NELL2: variants seen among roughly 807,000 people sequenced by gnomAD.
The protein encoded by NELL2 is protein kinase C-binding protein NELL2.
In NELL2, 41 loss-of-function variants were observed where a neutral mutation model predicts 109.6. The observed-to-expected ratio is 0.37, with a 90% CI of 0.29 to 0.49. The LOEUF (loss-of-function observed/expected upper bound fraction) is 0.49, where lower values mean the gene tolerates loss of function less well. Among genes scored for constraint, NELL2 ranks in the 20% least tolerant of loss-of-function variants. NELL2 has a pLI of 0.98. For synonymous variants in NELL2, 355 were observed against 344.7 expected (o/e 1.03, Z -0.33); for missense variants, 900 against 1,008.3 (o/e 0.89, Z 1.45).
intron 1 of NELL2, among the ~76,000 whole-genome samples, chr12:44,889,506 C>T (rs1412042376): frequency 2.0e-5 from 3 of 152,000 alleles, no homozygotes; most frequent in African/African-American, 7.3e-5. Flanking sequence ...TAGAATGAAG[C>T]ATCCACATGG....
At chr12:44,802,890 G>A (rs1566431114) in intron 3 of NELL2, among the ~76,000 whole-genome samples, 1 of 151,926 alleles carries the variant, frequency 6.6e-6, no homozygotes, top group East Asian at 1.9e-4. Context: ...AAGGCAGGTG[G>A]GTGAAGGTCT....
chr12:44,652,307 G>C (rs1947327579), intron 13 of NELL2, among the ~76,000 whole-genome samples: 1 of 152,132 alleles, frequency 6.6e-6, no homozygotes, highest in Admixed American at 6.5e-5. Context: ...GATGAGACAT[G>C]TGCTATACAT....
At chr12:44,673,415 G>A (rs543270334) in intron 12 of NELL2, among the ~76,000 whole-genome samples, 1 of 152,028 alleles carries the variant, frequency 6.6e-6, no homozygotes, top group Non-Finnish European at 1.5e-5. Flanking sequence ...ATGTACAAAG[G>A]CATTTTATTG....
chr12:44,653,984 T>C (rs1315180599), intron 13 of NELL2, among the ~76,000 whole-genome samples: 1 of 152,200 alleles, frequency 6.6e-6, no homozygotes, highest in African/African-American at 2.4e-5. Context: ...AAATGTCTTC[T>C]CTCACTTCTT....
chr12:44,687,141 G>A lies in NELL2; in HGVS notation c.1318+16585C>T, dbSNP rs147758956. On this transcript the variant is annotated intron_variant, in intron 12 of 19. Coordinates refer to ENST00000429094, the MANE Select transcript of NELL2 (RefSeq NM_001145108.2). ...TTTTTAAGCCCGTCGGAAATGCGCA[G>A]TATTCGGGTGGGAGTGACCCGATTT... is the stretch of plus-strand genomic sequence containing the variant. Among the ~76,000 whole-genome samples the A allele has an allele frequency of 1.2e-3, 185 of 152,334 alleles. 3 individuals are homozygous for A. In the East Asian group the frequency reaches 0.026, roughly 22 times the overall value.
At chr12:44,583,339 C>T (rs1403851438) in intron 15 of NELL2, among the ~76,000 whole-genome samples, 4 of 152,112 alleles carry the variant, frequency 2.6e-5, no homozygotes, top group East Asian at 3.9e-4. Flanking sequence ...TTTTATTTTC[C>T]GTATAGTACT....
chr12:44,890,897 A>G (rs1255134492), intron 1 of NELL2, among the ~76,000 whole-genome samples: 1 of 151,926 alleles, frequency 6.6e-6, no homozygotes, highest in Non-Finnish European at 1.5e-5. Flanking sequence ...TGCCAGGCTA[A>G]TTTCTGTATT....
At chr12:44,900,674 T>C (rs1295688426) in intron 1 of NELL2, among the ~76,000 whole-genome samples, 4 of 152,012 alleles carry the variant, frequency 2.6e-5, no homozygotes, top group Non-Finnish European at 4.4e-5. Flanking sequence ...TGATCTAAAA[T>C]TGACACCCTA....
chr12:44,838,533 G>A (rs1219786490), intron 2 of NELL2, among the ~76,000 whole-genome samples: 1 of 151,848 alleles, frequency 6.6e-6, no homozygotes. Flanking sequence ...CTGTAAAATG[G>A]GAACAATAAT....
chr12:44,532,171 T>C (rs1387875987), intron 16 of NELL2, among the ~76,000 whole-genome samples: 1 of 152,166 alleles, frequency 6.6e-6, no homozygotes. Flanking sequence ...GCATGCATTG[T>C]GTATGTCATC....
At chr12:44,915,008 C>G (rs1406717571), upstream of NELL2, among the ~76,000 whole-genome samples, 6 of 143,042 alleles carry the variant, frequency 4.2e-5, no homozygotes, top group Admixed American at 4.4e-4. Context: ...CGCCACCACG[C>G]CCGGCTAATT....
chr12:44,811,317 A>G (rs897190823), intron 3 of NELL2, among the ~76,000 whole-genome samples: 4 of 135,926 alleles, frequency 2.9e-5, no homozygotes, highest in African/African-American at 8.3e-5. Flanking sequence ...CGTTCTGCAC[A>G]TGTATCCCAG....
At chr12:44,779,220 G>T (rs1941864076) in intron 5 of NELL2, among the ~76,000 whole-genome samples, 2 of 152,148 alleles carry the variant, frequency 1.3e-5, no homozygotes, top group Non-Finnish European at 2.9e-5. Context: ...TGACAGATTT[G>T]TGCACATATG....
chr12:44,761,962 G>A (rs1566333679), intron 9 of NELL2, among the ~76,000 whole-genome samples: 1 of 152,072 alleles, frequency 6.6e-6, no homozygotes, highest in Admixed American at 6.6e-5. Context: ...CACACTAAAA[G>A]CTGAAACTTC....
chr12:44,730,200 C>A (rs1939295873), intron 9 of NELL2, among the ~76,000 whole-genome samples: 1 of 152,084 alleles, frequency 6.6e-6, no homozygotes, highest in Non-Finnish European at 1.5e-5. Flanking sequence ...TGGAATATTT[C>A]AATTCCCTAC....
intron 9 of NELL2, among the ~76,000 whole-genome samples, chr12:44,754,331 A>G (rs1940787044): frequency 6.6e-6 from 1 of 152,118 alleles, no homozygotes; most frequent in African/African-American, 2.4e-5. Flanking sequence ...TCAAACATTT[A>G]CTCTATGGAA....
intron 13 of NELL2, among the ~76,000 whole-genome samples, chr12:44,651,196 A>G (rs1224756737): frequency 1.3e-5 from 2 of 152,194 alleles, no homozygotes; most frequent in Non-Finnish European, 2.9e-5. Context: ...CCATGGAAAA[A>G]ACTGTCTTCC....
At chr12:44,782,710 G>A (rs1014703878) in intron 3 of NELL2, among the ~76,000 whole-genome samples, 23 of 151,936 alleles carry the variant, frequency 1.5e-4, no homozygotes, top group African/African-American at 5.3e-4. Flanking sequence ...AATTCTCAAT[G>A]TGTATTACCG....
At chr12:44,807,490 G>A (rs1943041249) in intron 3 of NELL2, among the ~76,000 whole-genome samples, 1 of 151,860 alleles carries the variant, frequency 6.6e-6, no homozygotes, top group South Asian at 2.1e-4. Context: ...AGAAAATCAG[G>A]AAGAGCTATA....
Sources: gnomAD v4.1 joint callset for allele counts (sites outside exome capture counted in the v4.1 genomes callset) on GRCh38, gnomAD v4.1.1 for gene constraint, MANE v1.5 for transcripts, NCBI Gene and HGNC (gene_info 2026-07-23, HGNC 2026-07-21) for gene names.